MSTO1: variants seen among roughly 807,000 people sequenced by gnomAD.
MSTO1 encodes misato mitochondrial distribution and morphology regulator 1.
Under a neutral mutation model 55.7 loss-of-function variants are expected in MSTO1, and 24 were observed. The observed-to-expected ratio is 0.43, with a 90% CI of 0.31 to 0.61. MSTO1 has a LOEUF of 0.61. MSTO1 is among the 20% of genes least tolerant of loss of function. The probability of loss-of-function intolerance (pLI) is 0.09; values close to 1 mark genes in which losing one functional copy is unlikely to be tolerated. For missense variants in MSTO1, 363 were observed against 625.7 expected, an observed-to-expected ratio of 0.58 and a Z score of 4.48; for synonymous variants, 162 against 252.8, an observed-to-expected ratio of 0.64 and a Z score of 3.41.
Position 155,613,157 on chromosome 1 carries a change from T to C in MSTO1, c.1207T>C (p.Cys403Arg). ...GATPWTPLSACGEPSGTRCFA... is the reference protein window; with the variant it reads ...GATPWTPLSARGEPSGTRCFA... ...CACCCCATGGACCCCACTGTCTGCA[T>C]GTGGGGAGCCTTCTGGAACACGTTG... Residue 403 changes from cysteine (C) to arginine (R), a missense_variant, in exon 11 of 14, where the codon TGT (cysteine) becomes CGT (arginine). Coordinates refer to ENST00000245564, the MANE Select transcript of MSTO1 (RefSeq NM_018116.4). The C allele has an allele frequency of 6.2e-7, 1 of 1,614,044 alleles. No individual in the cohort carries two copies. The highest frequency in any genetic ancestry group is 8.5e-7 in the Non-Finnish European group (1 of 1,179,918).
At chr1:155,608,186 G>A (rs1307250853), upstream of MSTO1, among the ~76,000 whole-genome samples, 3 of 152,126 alleles carry the variant, frequency 2.0e-5, no homozygotes. Flanking sequence ...AAAATTTTGA[G>A]ACAGGGTCTC....
the MSTO1 span, among the ~76,000 whole-genome samples, chr1:155,593,741 G>A: frequency 6.6e-6 from 1 of 152,078 alleles, no homozygotes; most frequent in Admixed American, 6.6e-5. Flanking sequence ...GGCTGAGGTG[G>A]TCAGATCACG....
At chr1:155,591,111 C>T in the MSTO1 span, 3 of 1,613,550 alleles carry the variant, frequency 1.9e-6, no homozygotes, top group South Asian at 1.1e-5. Flanking sequence ...CTCAGGACAT[C>T]CACAGGCCCT....
chr1:155,586,629 C>A, the MSTO1 span: 1 of 474,142 alleles, frequency 2.1e-6, no homozygotes, highest in Non-Finnish European at 4.1e-6. Flanking sequence ...TGTGCTTTAC[C>A]TTTCACTTTT....
Position 155,613,047 on chromosome 1 carries a change from A to T in MSTO1, c.1099-2A>T. On this transcript the variant is annotated splice_acceptor_variant, in intron 10 of 13. Coordinates refer to ENST00000245564, the MANE Select transcript of MSTO1 (RefSeq NM_018116.4). LOFTEE classifies it high-confidence loss of function. ...ATAACGTGTTCTCTTCCATCTCTTT[A>T]GGTGGTGACAGCAGGAGCAATCATC... The T allele has an allele frequency of 1.9e-6, 3 of 1,613,690 alleles. No homozygotes were observed. Among genetic ancestry groups the T allele is most frequent in the Non-Finnish European group, 2.5e-6 (3 of 1,180,012 alleles).
upstream of MSTO1, among the ~76,000 whole-genome samples, chr1:155,608,644 TCGCGCCCGTCACCA>T (rs1241191567): frequency 1.3e-5 from 2 of 149,880 alleles, no homozygotes; most frequent in Non-Finnish European, 3.0e-5. Flanking sequence ...GGACTACAGG[TCGCGCCCGTCACCA>T]CGCCCGGCTA....
At chr1:155,603,226 G>A in the MSTO1 span, among the ~76,000 whole-genome samples, 28 of 151,400 alleles carry the variant, frequency 1.8e-4, no homozygotes, top group Admixed American at 3.3e-4. Flanking sequence ...TTAGCTGGGC[G>A]TGGTGGCGTG....
chr1:155,578,981 T>C, the MSTO1 span, among the ~76,000 whole-genome samples: 2 of 150,560 alleles, frequency 1.3e-5, no homozygotes, highest in South Asian at 2.1e-4. Context: ...CCTTTAATAA[T>C]TGAAAAGCTG....
the MSTO1 span, among the ~76,000 whole-genome samples, chr1:155,577,232 G>C: frequency 3.3e-5 from 5 of 151,210 alleles, no homozygotes; most frequent in Non-Finnish European, 7.4e-5. Flanking sequence ...GGGACTACAG[G>C]CGCCTGCCAC....
chr1:155,612,476 C>G lies in MSTO1; in HGVS notation c.872C>G (p.Thr291Ser), dbSNP rs1435488346. The G allele has an allele frequency of 6.2e-7, 1 of 1,614,120 alleles. No individual in the cohort carries two copies. Among genetic ancestry groups the G allele is most frequent in the Admixed American group, 1.7e-5 (1 of 60,018 alleles). ...ACAGCTTTTGGTCTCGTGCACCTGA[C>G]TGCTCACAGCTCTCTTGTCTGCCCC... The part of the protein sequence containing the change: ...LNTAFGLVHL[T>S]AHSSLVCPLS... The change falls in exon 9 of 14, where the codon ACT becomes AGT. Residue 291 changes from threonine (T) to serine (S), a missense_variant. Transcript: ENST00000245564.
chr1:155,612,999 G>C (rs1410150783), intron 10 of MSTO1, 24 bp downstream of exon 10: 3 of 1,613,828 alleles, frequency 1.9e-6, no homozygotes, highest in Non-Finnish European at 2.5e-6. Context: ...TAAGGGGTTG[G>C]GTCAGTGCTG....
chr1:155,607,053 C>T (rs557061015), upstream of MSTO1, among the ~76,000 whole-genome samples: 98 of 151,564 alleles, frequency 6.5e-4, no homozygotes, highest in African/African-American at 2.3e-3. Context: ...AGGCTGGTCT[C>T]GAACTTCTGA....
chr1:155,609,055 G>A (rs1035628275), upstream of MSTO1, among the ~76,000 whole-genome samples: 2 of 149,554 alleles, frequency 1.3e-5, no homozygotes, highest in Non-Finnish European at 3.0e-5. Flanking sequence ...TCAACCTCCT[G>A]ACCTCAGTTG....
chr1:155,574,289 T>C, the MSTO1 span, among the ~76,000 whole-genome samples: 1 of 152,106 alleles, frequency 6.6e-6, no homozygotes, highest in Non-Finnish European at 1.5e-5. Flanking sequence ...GAGATTACAA[T>C]GAGCCAAGAT....
the MSTO1 span, chr1:155,563,771 T>TAAA: frequency 5.6e-6 from 2 of 356,414 alleles, no homozygotes; most frequent in Non-Finnish European, 1.1e-5. Flanking sequence ...CCTCCAGGGT[T>TAAA]AATGTGTGAA....
At chr1:155,613,314 A>G (rs1054028512) in intron 11 of MSTO1, 81 bp downstream of exon 11, 2 of 1,579,112 alleles carry the variant, frequency 1.3e-6, no homozygotes, top group Non-Finnish European at 1.7e-6. Context: ...GGGGCATTCT[A>G]ATGATACTGT....
chr1:155,587,601 G>T, the MSTO1 span, among the ~76,000 whole-genome samples: 2 of 151,652 alleles, frequency 1.3e-5, no homozygotes, highest in Non-Finnish European at 2.9e-5. Flanking sequence ...AAAATTAGCC[G>T]GGCGTGGTGG....
the MSTO1 span, among the ~76,000 whole-genome samples, chr1:155,592,717 G>A: frequency 2.6e-5 from 4 of 151,814 alleles, no homozygotes; most frequent in Non-Finnish European, 5.9e-5. Context: ...CCATGCCCCG[G>A]CTAATTTTTG....
At chr1:155,565,834 G>T in the MSTO1 span, among the ~76,000 whole-genome samples, 1 of 152,164 alleles carries the variant, frequency 6.6e-6, no homozygotes, top group Admixed American at 6.6e-5. Flanking sequence ...TGACCTCACT[G>T]AATGAACAAA....
Sources: gnomAD v4.1 joint callset for allele counts (sites outside exome capture counted in the v4.1 genomes callset) on GRCh38, gnomAD v4.1.1 for gene constraint, MANE v1.5 for transcripts, NCBI Gene and HGNC (gene_info 2026-07-23, HGNC 2026-07-21) for gene names.